The following AGBL1 variants were observed in gnomAD, a reference collection of about 807,000 sequenced individuals.
The protein encoded by AGBL1 is cytosolic carboxypeptidase 4.
AGBL1 carries 130 observed loss-of-function variants against 118.9 expected under a neutral mutation model. That is an observed-to-expected ratio of 1.09 (90% confidence interval 0.95 to 1.26). The LOEUF is 1.26. AGBL1 is among the 50% of genes most tolerant of loss of function. The probability of loss-of-function intolerance (pLI) is 0.00; values close to 1 mark genes in which losing one functional copy is unlikely to be tolerated. For missense variants in AGBL1, 1,584 were observed against 1,298.1 expected (o/e 1.22, Z -3.38); for synonymous variants, 555 against 478.9 (o/e 1.16, Z -2.08).
chr15:86,344,819 C>T (rs1595994006), intron 17 of AGBL1, among the ~76,000 whole-genome samples: 1 of 151,890 alleles, frequency 6.6e-6, no homozygotes, highest in Non-Finnish European at 1.5e-5. Flanking sequence ...CTTTCTGGAG[C>T]CCCAGAACCC....
In AGBL1 at chr15:86,305,384, G is replaced by A. The variant is rs1302454065; in HGVS notation, c.2374+9976G>A. On this transcript the variant is annotated intron_variant, in intron 17 of 22. Coordinates refer to ENST00000614907, the MANE Select transcript of AGBL1 (RefSeq NM_001386094.1). The stretch of plus-strand genomic sequence containing the variant: ...ATCTGAGGAAGGAGAAAGGGAAAGC[G>A]AAATTTAAAGCAGAAAGGGAAAGCA... Among the ~76,000 whole-genome samples the A allele has an allele frequency of 2.6e-5, 4 of 152,120 alleles. No homozygotes were observed. The East Asian group carries it at 5.8e-4, about 22-fold the overall frequency.
At chr15:86,242,854 C>T (rs1027424361) in intron 6 of AGBL1, among the ~76,000 whole-genome samples, 9 of 152,186 alleles carry the variant, frequency 5.9e-5, no homozygotes, top group Admixed American at 1.3e-4. Flanking sequence ...CACTTTTCCC[C>T]GCCAGCCTGT....
At chr15:86,441,838 C>T (rs982505172) in intron 18 of AGBL1, among the ~76,000 whole-genome samples, 2 of 152,236 alleles carry the variant, frequency 1.3e-5, no homozygotes, top group Non-Finnish European at 2.9e-5. Flanking sequence ...AGCAGAGATG[C>T]TAGCCCAGCA....
At chr15:86,372,071 A>G (rs967302327) in intron 17 of AGBL1, among the ~76,000 whole-genome samples, 4 of 152,168 alleles carry the variant, frequency 2.6e-5, no homozygotes, top group African/African-American at 9.7e-5. Context: ...TGGGCTTTTC[A>G]TCCTGGTATA....
intron 22 of AGBL1, among the ~76,000 whole-genome samples, chr15:86,882,449 A>G (rs1457528541): frequency 6.6e-6 from 1 of 152,168 alleles, no homozygotes; most frequent in Non-Finnish European, 1.5e-5. Flanking sequence ...CCAGTAAAAA[A>G]TTGTCTGCCA....
intron 5 of AGBL1, among the ~76,000 whole-genome samples, chr15:86,190,436 T>A (rs1300841367): frequency 6.6e-6 from 1 of 152,276 alleles, no homozygotes; most frequent in African/African-American, 2.4e-5. Flanking sequence ...AGTAAACATC[T>A]ATTCTTCATA....
At chr15:86,444,898 C>A (rs2082103870) in intron 18 of AGBL1, among the ~76,000 whole-genome samples, 1 of 152,056 alleles carries the variant, frequency 6.6e-6, no homozygotes, top group Non-Finnish European at 1.5e-5. Flanking sequence ...AATTTGGTTT[C>A]CCACAAAGTT....
chr15:86,692,040 C>G (rs1215839159), intron 22 of AGBL1, among the ~76,000 whole-genome samples: 1 of 151,822 alleles, frequency 6.6e-6, no homozygotes, highest in African/African-American at 2.4e-5. Context: ...TTCTTAAGCT[C>G]GACAACACTG....
intron 18 of AGBL1, among the ~76,000 whole-genome samples, chr15:86,511,124 AT>A (rs2083047863): frequency 6.6e-6 from 1 of 152,050 alleles, no homozygotes; most frequent in Admixed American, 6.6e-5. Context: ...TTTATATGAC[AT>A]TTTTGTCTTT....
chr15:86,699,928 C>T (rs1356430238), intron 22 of AGBL1, among the ~76,000 whole-genome samples: 3 of 151,978 alleles, frequency 2.0e-5, no homozygotes, highest in South Asian at 2.1e-4. Context: ...GATTCTTTTT[C>T]GTCTGAAACA....
intron 18 of AGBL1, among the ~76,000 whole-genome samples, chr15:86,516,733 G>A (rs149826880): frequency 7.7e-4 from 117 of 151,830 alleles, no homozygotes; most frequent in African/African-American, 2.5e-3. Flanking sequence ...CCCAGGAGGC[G>A]GAGGTTGCAG....
chr15:86,329,839 C>T (rs955779771), intron 17 of AGBL1, among the ~76,000 whole-genome samples: 2 of 152,162 alleles, frequency 1.3e-5, no homozygotes, highest in African/African-American at 4.8e-5. Context: ...TGAGTTGCCC[C>T]ACTTTTCCTG....
intron 22 of AGBL1, among the ~76,000 whole-genome samples, chr15:86,898,884 A>C: frequency 6.6e-6 from 1 of 152,180 alleles, no homozygotes; most frequent in East Asian, 1.9e-4. Flanking sequence ...GGAAAGTCAA[A>C]AAATAACATT....
intron 22 of AGBL1, among the ~76,000 whole-genome samples, chr15:86,814,975 T>A (rs975366434): frequency 3.5e-4 from 54 of 152,334 alleles, no homozygotes; most frequent in African/African-American, 1.3e-3. Context: ...TCTCCTTTAG[T>A]TTCTTGTGTC....
intron 22 of AGBL1, among the ~76,000 whole-genome samples, chr15:86,827,398 CATATATATAT>C (rs1567194612): frequency 0.023 from 81 of 3,532 alleles, 10 homozygotes; most frequent in East Asian, 0.19. Flanking sequence ...TATATATATA[CATATATATAT>C]GTGTATATAT....
At chr15:86,202,863 T>C (rs2077929409) in intron 5 of AGBL1, among the ~76,000 whole-genome samples, 1 of 152,128 alleles carries the variant, frequency 6.6e-6, no homozygotes, top group African/African-American at 2.4e-5. Context: ...GGTCCATCCC[T>C]GCTCTGGAGG....
intron 15 of AGBL1, among the ~76,000 whole-genome samples, chr15:86,273,161 T>A (rs1402413213): frequency 6.6e-6 from 1 of 152,038 alleles, no homozygotes; most frequent in African/African-American, 2.4e-5. Flanking sequence ...CAGTTGAGGA[T>A]GCTCCTCTTG....
chr15:86,541,840 A>G (rs1033442601), intron 19 of AGBL1, among the ~76,000 whole-genome samples: 1 of 152,196 alleles, frequency 6.6e-6, no homozygotes, highest in Non-Finnish European at 1.5e-5. Flanking sequence ...TCTCCTAACT[A>G]GAATCAAATA....
At chr15:86,555,614 C>T (rs2083722983) in intron 21 of AGBL1, among the ~76,000 whole-genome samples, 1 of 152,080 alleles carries the variant, frequency 6.6e-6, no homozygotes, top group Non-Finnish European at 1.5e-5. Flanking sequence ...TGAATTAATC[C>T]TATTCACCCA....
Sources: gnomAD v4.1 joint callset for allele counts (sites outside exome capture counted in the v4.1 genomes callset) on GRCh38, gnomAD v4.1.1 for gene constraint, MANE v1.5 for transcripts, NCBI Gene and HGNC (gene_info 2026-07-23, HGNC 2026-07-21) for gene names.